SHANK2: variants seen among roughly 807,000 people sequenced by gnomAD.
SHANK2 encodes the protein SH3 and multiple ankyrin repeat domains protein 2.
SHANK2 carries 43 observed loss-of-function variants against 133.7 expected under a neutral mutation model. The observed-to-expected ratio is 0.32, with a 90% confidence interval of 0.25 to 0.41. The LOEUF is 0.41. SHANK2 is among the 10% of genes least tolerant of loss of function. The pLI, the probability that SHANK2 is intolerant of heterozygous loss-of-function variation, is 1.00. For synonymous variants in SHANK2, 1,017 were observed against 952.8 expected (o/e 1.07, Z -1.24); for missense variants, 1,994 against 2,235.8 (o/e 0.89, Z 2.18).
intron 10 of SHANK2, among the ~76,000 whole-genome samples, chr11:70,898,111 T>C (rs1012848934): frequency 6.6e-6 from 1 of 151,730 alleles, no homozygotes; most frequent in Non-Finnish European, 1.5e-5. Flanking sequence ...TACAGGCATG[T>C]GCCACCATGT....
Position 71,147,131 on chromosome 11 carries a change from G to A in SHANK2, c.196C>T (p.Leu66=), listed in dbSNP as rs1952667395. ...TLVIRVVIHD[L]QQTKCIRFNP... is the part of the protein sequence containing the mutation. ...ACCACGGGGCTCACCGTCTGCTGCA[G>A]GTCATGGATGACCACGCGGATCACC... Residue 66 remains leucine, a synonymous_variant, in exon 3 of 26, where the codon CTG becomes TTG. Coordinates refer to ENST00000601538, the MANE Select transcript of SHANK2 (RefSeq NM_012309.5). The A allele has an allele frequency of 1.3e-6, 2 of 1,548,510 alleles. No homozygotes were observed. The highest frequency in any genetic ancestry group is 1.4e-5 in the African/African-American group (1 of 73,020).
At chr11:71,194,544 G>A (rs11232490) in intron 2 of SHANK2, among the ~76,000 whole-genome samples, 59,988 of 152,062 alleles carry the variant, frequency 0.39, 15,564 homozygotes, top group African/African-American at 0.72. Context: ...CCAATGGGAG[G>A]GGGGCAGGTC....
At chr11:70,481,056 C>T (rs782205003) in intron 25 of SHANK2, among the ~76,000 whole-genome samples, 3 of 152,240 alleles carry the variant, frequency 2.0e-5, no homozygotes, top group Non-Finnish European at 4.4e-5. Flanking sequence ...CAGTTTCCTT[C>T]ACTTTGATCC....
chr11:70,776,135 C>A (rs1453840733), intron 14 of SHANK2, among the ~76,000 whole-genome samples: 1 of 152,264 alleles, frequency 6.6e-6, no homozygotes, highest in Non-Finnish European at 1.5e-5. Flanking sequence ...ACAGATGGCA[C>A]ATCAGTGTTT....
Position 70,663,649 on chromosome 11 carries a change from G to A in SHANK2, c.1854-1971C>T, listed in dbSNP as rs543903439. ...CACTCCCGTTGTCAGCAGCTGGGAGGGGGGTTCTGGCCCCTGACCTTCCTT... is the reference window on the plus strand; with the variant it reads ...CACTCCCGTTGTCAGCAGCTGGGAGAGGGGTTCTGGCCCCTGACCTTCCTT... On this transcript the variant is annotated intron_variant, in intron 15 of 25. Coordinates refer to ENST00000601538, the MANE Select transcript of SHANK2 (RefSeq NM_012309.5). Among the ~76,000 whole-genome samples, 7 of 152,270 alleles carry A rather than the reference G, an allele frequency of 4.6e-5. No homozygotes were observed. In the South Asian group the frequency reaches 1.5e-3, roughly 32 times the overall value.
chr11:70,469,173 A>G lies in SHANK2; in HGVS notation c.*3696T>C, dbSNP rs1320021227. 6.6e-6 allele frequency: 1 copy of G among 152,250 alleles called. No individual in the cohort carries two copies. The highest frequency in any genetic ancestry group is 1.5e-5 in the Non-Finnish European group (1 of 68,046). 9.4% of individuals were successfully genotyped at this position (152,250 alleles called of 1,614,324 possible). On this transcript the variant is annotated 3_prime_UTR_variant, in exon 26 of 26. Transcript: ENST00000601538. ...TCCACGCCTATAGCAGCGGTCACAG[A>G]AGCAGATTTTGACGTTTTGCATAAT...
intron 14 of SHANK2, among the ~76,000 whole-genome samples, chr11:70,778,294 T>A (rs1394813562): frequency 4.6e-5 from 7 of 152,208 alleles, no homozygotes; most frequent in Non-Finnish European, 8.8e-5. Context: ...GTCTCTGCCT[T>A]CGGCTCACAC....
chr11:70,752,705 C>CAAAAAAAAAA (rs530096112), intron 14 of SHANK2, among the ~76,000 whole-genome samples: 3 of 103,846 alleles, frequency 2.9e-5, no homozygotes, highest in African/African-American at 1.2e-4. Flanking sequence ...GACTCCGTCT[C>CAAAAAAAAAA]AAAAAAAAAA....
intron 17 of SHANK2, among the ~76,000 whole-genome samples, chr11:70,599,913 AAGAAAGAAAG>A (rs1565166395): frequency 2.6e-4 from 19 of 71,820 alleles, no homozygotes; most frequent in South Asian, 1.5e-3. Flanking sequence ...AAGAGAAAGA[AAGAAAGAAAG>A]AAAGAAAGAA....
At chr11:70,729,526 A>G (rs1357028753) in intron 14 of SHANK2, among the ~76,000 whole-genome samples, 6 of 137,712 alleles carry the variant, frequency 4.4e-5, no homozygotes, top group Admixed American at 1.5e-4. Context: ...TACTTTCTTC[A>G]TTTTTTTTTT....
chr11:71,141,150 C>T (rs1952546384), intron 3 of SHANK2, among the ~76,000 whole-genome samples: 1 of 152,190 alleles, frequency 6.6e-6, no homozygotes, highest in African/African-American at 2.4e-5. Context: ...TTACATGCTG[C>T]GTTCCGTTTG....
At chr11:71,127,727 T>C (rs1952217890) in intron 3 of SHANK2, among the ~76,000 whole-genome samples, 1 of 152,244 alleles carries the variant, frequency 6.6e-6, no homozygotes, top group Admixed American at 6.5e-5. Context: ...TTAATGTGCA[T>C]TGGGAAACCA....
intron 2 of SHANK2, among the ~76,000 whole-genome samples, chr11:71,197,013 A>C (rs895996038): frequency 1.3e-5 from 2 of 149,568 alleles, no homozygotes; most frequent in South Asian, 4.2e-4. Flanking sequence ...AAAAAAAAAA[A>C]AAAAAACCCA....
chr11:71,194,469 CT>C (rs1277328474), intron 2 of SHANK2, among the ~76,000 whole-genome samples: 3 of 152,206 alleles, frequency 2.0e-5, no homozygotes, highest in African/African-American at 7.2e-5. Context: ...ATCACCTCAC[CT>C]TTGTGTCAAC....
At chr11:70,626,829 G>C (rs1555000126) in intron 17 of SHANK2, among the ~76,000 whole-genome samples, 1 of 152,206 alleles carries the variant, frequency 6.6e-6, no homozygotes, top group African/African-American at 2.4e-5. Context: ...TTGCTGTAGT[G>C]GAGAAATACT....
rs1954512352 is a variant in SHANK2 at position 71,220,428 on chromosome 11, A to AG, written c.-13+4268dup. On this transcript the variant is annotated intron_variant, in intron 2 of 25. Transcript: ENST00000601538. The stretch of plus-strand genomic sequence containing the variant: ...AACCTGCCATTCCATTTCTGGGGGT[A>AG]GGTATATGCCTGAAAGAACGGGTGG... 2.0e-5 allele frequency among the ~76,000 whole-genome samples: 3 copies of AG among 152,168 alleles called. No individual in the cohort carries two copies. The South Asian group carries it at 6.2e-4, about 32-fold the overall frequency.
chr11:71,084,272 G>A (rs924065151), intron 8 of SHANK2, among the ~76,000 whole-genome samples: 46 of 152,214 alleles, frequency 3.0e-4, no homozygotes, highest in African/African-American at 9.6e-4. Flanking sequence ...CACCCGGCCC[G>A]AATAACAACT....
chr11:70,852,198 T>C (rs1474265638), intron 11 of SHANK2, among the ~76,000 whole-genome samples: 45 of 152,234 alleles, frequency 3.0e-4, no homozygotes, highest in Admixed American at 2.9e-3. Context: ...TAGCTCCTCA[T>C]CCTGCTGTTT....
intron 10 of SHANK2, chr11:70,952,858 A>C (rs1555086988): frequency 8.2e-6 from 3 of 363,984 alleles, no homozygotes; most frequent in Non-Finnish European, 1.2e-5. Context: ...GGTGGCTTCA[A>C]GCAACAAACC....
Sources: gnomAD v4.1 joint callset for allele counts (sites outside exome capture counted in the v4.1 genomes callset) on GRCh38, gnomAD v4.1.1 for gene constraint, MANE v1.5 for transcripts, NCBI Gene and HGNC (gene_info 2026-07-23, HGNC 2026-07-21) for gene names.